CDC42BPA: variants seen among roughly 807,000 people sequenced by gnomAD.
CDC42BPA encodes the protein CDC42 binding protein kinase alpha.
In CDC42BPA, 80 loss-of-function variants were observed where a neutral mutation model predicts 223.5. The ratio of observed to expected loss-of-function variants is 0.36; its 90% CI spans 0.30 to 0.43. The LOEUF (loss-of-function observed/expected upper bound fraction) is 0.43, where lower values mean the gene tolerates loss of function less well. Ranked by LOEUF, CDC42BPA falls within the 20% of genes least tolerant of loss-of-function variation. CDC42BPA has a pLI of 1.00. For missense variants in CDC42BPA, 1,743 were observed against 2,099.9 expected, an observed-to-expected ratio of 0.83 and a Z score of 3.32; for synonymous variants, 694 against 718.6, an observed-to-expected ratio of 0.97 and a Z score of 0.55.
At chr1:227,118,874 C>T (rs1161949827) in intron 12 of CDC42BPA, among the ~76,000 whole-genome samples, 1 of 151,946 alleles carries the variant, frequency 6.6e-6, no homozygotes, top group Non-Finnish European at 1.5e-5. Context: ...TGCTTGAAAC[C>T]TCATTAAGCA....
intron 1 of CDC42BPA, among the ~76,000 whole-genome samples, chr1:227,287,663 T>C (rs769824230): frequency 2.0e-5 from 3 of 152,160 alleles, no homozygotes; most frequent in African/African-American, 4.8e-5. Context: ...GGTTCCTACG[T>C]GACTAGCCAC....
chr1:227,015,928 A>G, intron 34 of CDC42BPA, 152 bp downstream of exon 34: 1 of 544,406 alleles, frequency 1.8e-6, no homozygotes, highest in East Asian at 3.0e-5. Flanking sequence ...CAGGTATGTC[A>G]TCATGTATCT....
chr1:227,197,590 C>CTT (rs34534815), intron 4 of CDC42BPA, among the ~76,000 whole-genome samples: 1 of 151,862 alleles, frequency 6.6e-6, no homozygotes, highest in Non-Finnish European at 1.5e-5. Context: ...ACAGTTCAGG[C>CTT]TTTTTTTGCT....
chr1:227,181,173 A>T (rs971454235), intron 5 of CDC42BPA, among the ~76,000 whole-genome samples: 1 of 152,242 alleles, frequency 6.6e-6, no homozygotes, highest in Admixed American at 6.5e-5. Flanking sequence ...TATTCACTTT[A>T]CAGATGCATA....
intron 16 of CDC42BPA, among the ~76,000 whole-genome samples, chr1:227,081,645 G>A (rs1351101131): frequency 6.6e-6 from 1 of 151,748 alleles, no homozygotes; most frequent in Non-Finnish European, 1.5e-5. Flanking sequence ...GTAGAGATGG[G>A]GTTTCACCAT....
intron 21 of CDC42BPA, among the ~76,000 whole-genome samples, chr1:227,056,671 G>A (rs1026441937): frequency 2.6e-5 from 4 of 152,136 alleles, no homozygotes; most frequent in Admixed American, 6.5e-5. Context: ...GATTACAGGC[G>A]TGAGCTACCA....
chr1:227,083,280 A>T (rs188019168), intron 16 of CDC42BPA, among the ~76,000 whole-genome samples: 13,783 of 151,918 alleles, frequency 0.091, 830 homozygotes, highest in Middle Eastern at 0.16. Context: ...TAGTCTAAAA[A>T]ATTTTTTTTT....
chr1:227,074,289 T>C lies in CDC42BPA; in HGVS notation c.2556A>G (p.Leu852=), dbSNP rs773569358. The change falls in exon 18 of 37, where the codon TTA becomes TTG. Residue 852 remains leucine (L), a synonymous_variant. Coordinates refer to ENST00000366766, the MANE Select transcript of CDC42BPA (RefSeq NM_001394014.1). ...CTCGTGTACCCAAGCTGGAATTTCTTAATGCCTCCAATTCTTCAGTCATTT... is the reference window on the plus strand; with the variant it reads ...CTCGTGTACCCAAGCTGGAATTTCTCAATGCCTCCAATTCTTCAGTCATTT... ...ASKMTEELEA[L]RNSSLGTRAT... 1.4e-5 allele frequency: 22 copies of C among 1,613,626 alleles called. 1 individual carries two copies. Among genetic ancestry groups the C allele is most frequent in the Middle Eastern group, 1.6e-4 (1 of 6,080 alleles).
intron 1 of CDC42BPA, among the ~76,000 whole-genome samples, chr1:227,296,729 CT>C (rs1479899969): frequency 3.4e-4 from 43 of 127,512 alleles, no homozygotes; most frequent in African/African-American, 1.1e-3. Flanking sequence ...AAAAAAAAAA[CT>C]TTTGGAAAAA....
chr1:227,066,101 C>T (rs1676998071), intron 21 of CDC42BPA, among the ~76,000 whole-genome samples: 1 of 152,038 alleles, frequency 6.6e-6, no homozygotes, highest in African/African-American at 2.4e-5. Flanking sequence ...CCTTAAGAAT[C>T]CAAGTGCAGC....
At chr1:227,166,669 T>C (rs114260909) in intron 5 of CDC42BPA, among the ~76,000 whole-genome samples, 2,140 of 152,314 alleles carry the variant, frequency 0.014, 63 homozygotes, top group African/African-American at 0.048. Context: ...GCTGAACTTA[T>C]ACAAGGACCA....
rs544968249 is a variant in CDC42BPA, at chr1:227,003,700, C to T, written c.4975+1294G>A. On this transcript the variant is annotated intron_variant, in intron 35 of 36. Transcript: ENST00000366766. ...TTCCTCCCCCACCAAAAAGCTGCTC[C>T]GCGACAGTAGCTGAACCTAAGTGCA... is the stretch of plus-strand genomic sequence containing the variant. Among the ~76,000 whole-genome samples, 21 of 152,194 alleles carry T rather than the reference C, an allele frequency of 1.4e-4. No homozygotes were observed. In the South Asian group the frequency reaches 3.7e-3, roughly 27 times the overall value.
chr1:227,213,542 A>G (rs370598422), intron 2 of CDC42BPA, among the ~76,000 whole-genome samples: 2 of 152,154 alleles, frequency 1.3e-5, no homozygotes, highest in African/African-American at 2.4e-5. Context: ...TTCAAACTCA[A>G]TATCTACTAT....
In CDC42BPA at chr1:227,147,446, C is replaced by T. The variant is rs373557370; in HGVS notation, c.807G>A (p.Gly269=). 1.9e-6 allele frequency: 3 copies of T among 1,613,324 alleles called. No individual in the cohort carries two copies. The African/African-American group carries it at 4.0e-5, about 22-fold the overall frequency. The change falls in exon 7 of 37, where the codon GGG becomes GGA. Residue 269 remains glycine (G), a synonymous_variant. Transcript: ENST00000366766. The stretch of plus-strand genomic sequence containing the variant: ...CGTAAAGCATTTCATACATACAGAC[C>T]CCCAAAGACCACCAGTCACATTCAG... ...YGPECDWWSL[G]VCMYEMLYGE... is the part of the protein sequence containing the mutation.
intron 2 of CDC42BPA, among the ~76,000 whole-genome samples, chr1:227,219,796 C>T (rs1215484184): frequency 6.6e-6 from 1 of 152,070 alleles, no homozygotes; most frequent in African/African-American, 2.4e-5. Context: ...TATGTAAGCC[C>T]AGCAGAGATA....
chr1:227,127,747 T>C (rs1253404427), intron 11 of CDC42BPA, among the ~76,000 whole-genome samples: 1 of 152,188 alleles, frequency 6.6e-6, no homozygotes, highest in East Asian at 1.9e-4. Context: ...GAGAGCCTCT[T>C]AAAAACACAA....
chr1:227,101,347 C>T, intron 14 of CDC42BPA, 108 bp from the exon 15 acceptor site: 3 of 610,474 alleles, frequency 4.9e-6, no homozygotes, highest in Non-Finnish European at 7.8e-6. Flanking sequence ...ATTTTTTGTA[C>T]ATCCTAACAA....
intron 2 of CDC42BPA, among the ~76,000 whole-genome samples, chr1:227,215,372 C>T (rs1160320346): frequency 6.6e-6 from 1 of 152,104 alleles, no homozygotes; most frequent in Non-Finnish European, 1.5e-5. Context: ...AAAAACTTAA[C>T]CTTTCAATAC....
At position 227,101,158 on chromosome 1, in the gene CDC42BPA, T is replaced by C; in HGVS notation, c.2083A>G (p.Lys695Glu). ...EITKLKTDLE[K>E]KSIFYEEELS... ...TCTTCTTCATAAAAGATACTTTTCT[T>C]TTCCAAATCAGTCTTTAGTTTGGTT... The change falls in exon 15 of 37, where the codon AAG becomes GAG. Residue 695 changes from lysine to glutamate, a missense_variant. Around this residue, in one of 6 missense-constraint regions of CDC42BPA, gnomAD observed 464 missense variants for 488.0 expected, o/e 0.95. Transcript: ENST00000366766. The C allele has an allele frequency of 6.3e-7, 1 of 1,589,834 alleles. No homozygotes were observed. Among genetic ancestry groups the C allele is most frequent in the African/African-American group, 1.3e-5 (1 of 74,474 alleles).
Sources: gnomAD v4.1 joint callset for allele counts (sites outside exome capture counted in the v4.1 genomes callset) on GRCh38, gnomAD v4.1.1 for gene constraint, gnomAD v4.1.1 regional missense constraint, MANE v1.5 for transcripts, NCBI Gene and HGNC (gene_info 2026-07-23, HGNC 2026-07-21) for gene names.